Variants in FBXO38 observed in about 807,000 individuals in gnomAD.
FBXO38 encodes the protein F-box only protein 38.
FBXO38 carries 53 observed loss-of-function variants against 131.9 expected under a neutral mutation model. The observed-to-expected ratio is 0.40, with a 90% CI of 0.32 to 0.51. The LOEUF is 0.51. FBXO38 is among the 20% of genes least tolerant of loss of function. The pLI is 0.53. For synonymous variants in FBXO38, 452 were observed against 505.6 expected, an observed-to-expected ratio of 0.89 and a Z score of 1.42; for missense variants, 1,076 against 1,475.6, an observed-to-expected ratio of 0.73 and a Z score of 4.44.
chr5:148,422,514 T>C (rs998631207), intron 12 of FBXO38, among the ~76,000 whole-genome samples: 11 of 152,182 alleles, frequency 7.2e-5, no homozygotes, highest in African/African-American at 2.7e-4. Flanking sequence ...CTATCTGATG[T>C]TTTTATTTTT....
chr5:148,423,983 A>T lies in FBXO38; in HGVS notation c.1619-15A>T. 1 of 1,605,280 alleles carries T rather than the reference A, an allele frequency of 6.2e-7. No homozygotes were observed. The highest frequency in any genetic ancestry group is 8.5e-7 in the Non-Finnish European group (1 of 1,176,878). ...ACTTCTTTTGGTTTTTACTTTGTGT[A>T]TATTTTCGTTGAAGCATTAAATGAG... is the stretch of plus-strand genomic sequence containing the variant. On this transcript the variant is annotated splice_polypyrimidine_tract_variant and intron_variant, in intron 12 of 21. Coordinates refer to ENST00000340253, the MANE Select transcript of FBXO38 (RefSeq NM_205836.3).
chr5:148,400,777 T>G (rs1004121252), intron 3 of FBXO38, among the ~76,000 whole-genome samples: 27 of 152,176 alleles, frequency 1.8e-4, no homozygotes, highest in African/African-American at 6.3e-4. Flanking sequence ...TTGCAGGGGT[T>G]ACACTTGGTT....
chr5:148,438,244 T>C, intron 17 of FBXO38, 88 bp from the exon 18 acceptor site: 2 of 1,135,944 alleles, frequency 1.8e-6, no homozygotes, highest in Admixed American at 4.6e-5. Flanking sequence ...TAAAGATGTT[T>C]GTTACTGCAG....
At position 148,442,187 on chromosome 5, in the gene FBXO38, A is replaced by G; in HGVS notation, c.*40A>G. 6.3e-7 allele frequency: 1 copy of G among 1,592,890 alleles called. No individual in the cohort carries two copies. ...TTTCCAGCTATTTTGTCAGAAAGCAAGTAGGGCCATCCAGCTGCCAGAGTG... is the reference window on the plus strand; with the variant it reads ...TTTCCAGCTATTTTGTCAGAAAGCAGGTAGGGCCATCCAGCTGCCAGAGTG... On this transcript the variant is annotated 3_prime_UTR_variant, in exon 22 of 22. Coordinates refer to ENST00000340253, the MANE Select transcript of FBXO38 (RefSeq NM_205836.3).
At chr5:148,395,835 C>G (rs1048731650) in intron 2 of FBXO38, among the ~76,000 whole-genome samples, 3 of 151,718 alleles carry the variant, frequency 2.0e-5, no homozygotes, top group African/African-American at 7.3e-5. Context: ...CTTATCATTT[C>G]CCTTGTCTGA....
chr5:148,388,941 A>G (rs1302079085), intron 1 of FBXO38, among the ~76,000 whole-genome samples: 1 of 152,202 alleles, frequency 6.6e-6, no homozygotes, highest in Non-Finnish European at 1.5e-5. Context: ...AAGGTTAGTC[A>G]TTTCTTGGTT....
rs1561537932 is a variant in FBXO38 at position 148,425,611 on chromosome 5, CAAG to C, written c.1832_1834del (p.Glu611del). 1 of 1,613,818 alleles carries C rather than the reference CAAG, an allele frequency of 6.2e-7. No homozygotes were observed. Among genetic ancestry groups the C allele is most frequent in the Admixed American group, 1.7e-5 (1 of 60,010 alleles). On this transcript the variant is annotated inframe_deletion, in exon 14 of 22. Transcript: ENST00000340253. ...TGATGAAGAAGATAGTCTAGAACTC[CAAG>C]AAGTCTGGATTCCTAAGAACGGTAC... is the stretch of plus-strand genomic sequence containing the variant.
At position 148,417,161 on chromosome 5, in the gene FBXO38, T is replaced by G. The variant is rs1441208493; in HGVS notation, c.1575T>G (p.Phe525Leu). Residue 525 changes from phenylalanine to leucine, a missense_variant, in exon 12 of 22, where the codon TTT (phenylalanine) becomes TTG (leucine). Transcript: ENST00000340253. The stretch of plus-strand genomic sequence containing the variant: ...ATGACTCAGACGAGGAGAATGACTT[T>G]CGGCAAGATCTGCAGCCAGGAGAGC... ...HPDDSDEEND[F>L]RQDLQPGEQQ... The G allele has an allele frequency of 1.9e-6, 3 of 1,613,808 alleles. No homozygotes were observed. In the Admixed American group the frequency reaches 5.0e-5, roughly 27 times the overall value.
chr5:148,403,230 A>G (rs1032429519), intron 5 of FBXO38, among the ~76,000 whole-genome samples: 1 of 152,154 alleles, frequency 6.6e-6, no homozygotes, highest in African/African-American at 2.4e-5. Context: ...AATGCCTGTC[A>G]CAGTTCATTG....
intron 9 of FBXO38, chr5:148,413,265 A>G (rs1208779187): frequency 6.6e-6 from 1 of 152,134 alleles, no homozygotes; most frequent in Non-Finnish European, 1.5e-5. Context: ...TTTGGAGAAG[A>G]TGGATTGTTT....
At chr5:148,440,824 T>C (rs1754638582) in intron 20 of FBXO38, among the ~76,000 whole-genome samples, 2 of 152,186 alleles carry the variant, frequency 1.3e-5, no homozygotes, top group South Asian at 4.1e-4. Context: ...TTAGGGAAGA[T>C]ATGAATGGGG....
At chr5:148,422,088 C>G (rs1753474941) in intron 12 of FBXO38, among the ~76,000 whole-genome samples, 1 of 150,752 alleles carries the variant, frequency 6.6e-6, no homozygotes, top group Middle Eastern at 3.2e-3. Flanking sequence ...AGCTTTCAAA[C>G]TGGCCTATTT....
At chr5:148,386,440 C>T (rs1757917811) in intron 1 of FBXO38, among the ~76,000 whole-genome samples, 1 of 151,960 alleles carries the variant, frequency 6.6e-6, no homozygotes, top group Non-Finnish European at 1.5e-5. Flanking sequence ...AATATGAACC[C>T]CCTGAAATCG....
intron 4 of FBXO38, 97 bp from the exon 5 acceptor site, chr5:148,402,249 CTT>C: frequency 6.5e-7 from 1 of 1,541,342 alleles, no homozygotes; most frequent in Admixed American, 1.9e-5. Flanking sequence ...CTGTCACAAA[CTT>C]TTAAGTTCCA....
In FBXO38 at chr5:148,394,827, T is replaced by C. The variant is rs751405536; in HGVS notation, c.51T>C (p.Ile17=). ...SVKTCIMNNE[I]PEEMTADETK... ...AAACATGTATCATGAATAATGAAATTCCAGAAGAAATGACAGCAGATGAAA... is the reference window on the plus strand; with the variant it reads ...AAACATGTATCATGAATAATGAAATCCCAGAAGAAATGACAGCAGATGAAA... Residue 17 remains isoleucine (I), a synonymous_variant, in exon 2 of 22, where the codon ATT becomes ATC. Coordinates refer to ENST00000340253, the MANE Select transcript of FBXO38 (RefSeq NM_205836.3). The C allele has an allele frequency of 1.2e-6, 2 of 1,605,246 alleles. No homozygotes were observed. Among genetic ancestry groups the C allele is most frequent in the Non-Finnish European group, 1.7e-6 (2 of 1,176,058 alleles).
chr5:148,396,149 C>T (rs1187620180), intron 2 of FBXO38, among the ~76,000 whole-genome samples: 1 of 151,878 alleles, frequency 6.6e-6, no homozygotes, highest in Non-Finnish European at 1.5e-5. Flanking sequence ...TAGTTCAGTT[C>T]TGTCTGGGAT....
At chr5:148,410,407 T>C (rs1011908054) in intron 8 of FBXO38, 1 of 524,174 alleles carries the variant, frequency 1.9e-6, no homozygotes, top group Non-Finnish European at 3.3e-6. Context: ...AAATGTGACT[T>C]GCTGCCATCA....
intron 6 of FBXO38, 124 bp from the exon 7 acceptor site, chr5:148,406,133 A>C (rs1328507046): frequency 2.2e-5 from 20 of 903,016 alleles, no homozygotes; most frequent in Non-Finnish European, 3.1e-5. Flanking sequence ...ACCTGATTTC[A>C]GAGAGCCAAT....
intron 1 of FBXO38, 44 bp from the exon 2 acceptor site, chr5:148,394,670 G>A: frequency 1.0e-6 from 1 of 996,018 alleles, no homozygotes; most frequent in Non-Finnish European, 1.4e-6. Context: ...GGTTTTAGTA[G>A]GGGGTGTGTT....
Sources: gnomAD v4.1 joint callset for allele counts (sites outside exome capture counted in the v4.1 genomes callset) on GRCh38, gnomAD v4.1.1 for gene constraint, MANE v1.5 for transcripts, NCBI Gene and HGNC (gene_info 2026-07-23, HGNC 2026-07-21) for gene names.